HOMER1: variants seen among roughly 807,000 people sequenced by gnomAD.
The protein encoded by HOMER1 is homer scaffold protein 1.
HOMER1 carries 3 observed loss-of-function variants against 48.9 expected under a neutral mutation model. That is an observed-to-expected ratio of 0.06 (90% confidence interval 0.03 to 0.16). HOMER1 has a LOEUF of 0.16. Ranked by LOEUF, HOMER1 falls within the 10% of genes least tolerant of loss-of-function variation. HOMER1 has a pLI of 1.00. For synonymous variants in HOMER1, 134 were observed against 146.4 expected, an observed-to-expected ratio of 0.92 and a Z score of 0.61; for missense variants, 247 against 411.4, an observed-to-expected ratio of 0.60 and a Z score of 3.46.
Position 79,374,286 on chromosome 5 carries a change from C to T in HOMER1, c.*1723G>A, listed in dbSNP as rs912842802. On this transcript the variant is annotated 3_prime_UTR_variant, in exon 9 of 9. Coordinates refer to ENST00000334082, the MANE Select transcript of HOMER1 (RefSeq NM_004272.5). ...AATATCCTAAAATAGATGGAGGTAA[C>T]GTACATGATGTTACAGCACATATAA... The T allele has an allele frequency of 6.6e-6, 1 of 152,258 alleles. No homozygotes were observed. Among genetic ancestry groups the T allele is most frequent in the Non-Finnish European group, 1.5e-5 (1 of 67,818 alleles). 9.4% of individuals were successfully genotyped at this position (152,258 alleles called of 1,614,324 possible).
intron 5 of HOMER1, among the ~76,000 whole-genome samples, chr5:79,425,647 C>T (rs912741569): frequency 6.6e-6 from 1 of 151,952 alleles, no homozygotes; most frequent in Non-Finnish European, 1.5e-5. Flanking sequence ...AACAGTTTAT[C>T]TGTTTTAAAA....
intron 8 of HOMER1, among the ~76,000 whole-genome samples, chr5:79,392,432 G>C (rs1328603578): frequency 6.6e-6 from 1 of 152,074 alleles, no homozygotes; most frequent in East Asian, 1.9e-4. Context: ...TTTAAAAGAA[G>C]TTTAAAAAGT....
At chr5:79,378,222 C>CAAAAAAAAAAAAAAA (rs58802660) in intron 8 of HOMER1, among the ~76,000 whole-genome samples, 2 of 85,578 alleles carry the variant, frequency 2.3e-5, no homozygotes, top group African/African-American at 7.7e-5. Context: ...GACTCTGTCT[C>CAAAAAAAAAAAAAAA]AAAAAAAAAA....
At chr5:79,409,342 A>G (rs79335513) in intron 5 of HOMER1, among the ~76,000 whole-genome samples, 1 of 151,610 alleles carries the variant, frequency 6.6e-6, no homozygotes, top group Non-Finnish European at 1.5e-5. Context: ...TAAGACAGGA[A>G]AACCACTTGA....
Position 79,373,948 on chromosome 5 carries a change from T to A in HOMER1, c.*2061A>T, listed in dbSNP as rs903941820. Reference sequence around the variant, plus strand: ...GAGACATTTTGGTGAGTTTTTTCATTAAATGATCACTATGTCAAAATTTAA... The same window carrying A: ...GAGACATTTTGGTGAGTTTTTTCATAAAATGATCACTATGTCAAAATTTAA... On this transcript the variant is annotated 3_prime_UTR_variant, in exon 9 of 9. Transcript: ENST00000334082. The A allele has an allele frequency of 6.6e-6, 1 of 151,968 alleles. No homozygotes were observed. The highest frequency in any genetic ancestry group is 1.5e-5 in the Non-Finnish European group (1 of 67,850). 9.4% of individuals were successfully genotyped at this position (151,968 alleles called of 1,614,324 possible).
At chr5:79,428,310 A>C (rs991370250) in intron 5 of HOMER1, among the ~76,000 whole-genome samples, 2 of 152,218 alleles carry the variant, frequency 1.3e-5, no homozygotes, top group African/African-American at 4.8e-5. Context: ...GATAAAGAGC[A>C]TCTATGAAAA....
At chr5:79,419,314 T>C (rs1028581243) in intron 5 of HOMER1, among the ~76,000 whole-genome samples, 4 of 152,218 alleles carry the variant, frequency 2.6e-5, no homozygotes, top group Non-Finnish European at 5.9e-5. Context: ...TTTCTATGGA[T>C]GAATGCAGAT....
chr5:79,485,937 C>G (rs2112349635), intron 1 of HOMER1, among the ~76,000 whole-genome samples: 1 of 152,260 alleles, frequency 6.6e-6, no homozygotes, highest in East Asian at 1.9e-4. Flanking sequence ...TTGTGACTGC[C>G]TGAACCAAAA....
chr5:79,429,608 A>G (rs983518321), intron 5 of HOMER1, among the ~76,000 whole-genome samples: 1 of 152,236 alleles, frequency 6.6e-6, no homozygotes, highest in Non-Finnish European at 1.5e-5. Flanking sequence ...CTAAGAGCCA[A>G]AACTATAAAA....
intron 5 of HOMER1, among the ~76,000 whole-genome samples, chr5:79,428,592 T>C (rs1294139004): frequency 2.6e-5 from 4 of 152,150 alleles, no homozygotes; most frequent in Admixed American, 2.6e-4. Context: ...TTCAGTAAGT[T>C]TGTAGGATAC....
At chr5:79,475,367 C>A (rs375752269) in intron 1 of HOMER1, among the ~76,000 whole-genome samples, 1 of 150,500 alleles carries the variant, frequency 6.6e-6, no homozygotes, top group African/African-American at 2.4e-5. Flanking sequence ...TCGCTGTCAC[C>A]AAACTCATGC....
chr5:79,385,119 A>G (rs1749075996), intron 8 of HOMER1, among the ~76,000 whole-genome samples: 2 of 152,160 alleles, frequency 1.3e-5, no homozygotes, highest in Admixed American at 1.3e-4. Context: ...AAGATGGATT[A>G]AAGACTTAAA....
At chr5:79,453,494 T>G (rs1296184276) in intron 2 of HOMER1, among the ~76,000 whole-genome samples, 2 of 152,214 alleles carry the variant, frequency 1.3e-5, no homozygotes, top group Non-Finnish European at 2.9e-5. Flanking sequence ...GAAGAAAACC[T>G]TAAAATGATA....
chr5:79,494,291 C>T (rs1752365216), intron 1 of HOMER1, among the ~76,000 whole-genome samples: 1 of 152,184 alleles, frequency 6.6e-6, no homozygotes, highest in Admixed American at 6.5e-5. Flanking sequence ...CCAATAATAT[C>T]CAACTATAAA....
chr5:79,403,372 T>C (rs1749581691), intron 5 of HOMER1, among the ~76,000 whole-genome samples: 1 of 152,190 alleles, frequency 6.6e-6, no homozygotes, highest in Admixed American at 6.5e-5. Context: ...ATAGTTTTCA[T>C]CACCAAGATT....
At chr5:79,381,447 C>T (rs978209604) in intron 8 of HOMER1, among the ~76,000 whole-genome samples, 1 of 152,058 alleles carries the variant, frequency 6.6e-6, no homozygotes, top group African/African-American at 2.4e-5. Flanking sequence ...AACATGAGAA[C>T]GCAATGAAAT....
chr5:79,508,841 A>C (rs1752851454), intron 1 of HOMER1, among the ~76,000 whole-genome samples: 1 of 152,200 alleles, frequency 6.6e-6, no homozygotes, highest in Admixed American at 6.5e-5. Context: ...CCAACTTCCA[A>C]AGTATAAACT....
intron 1 of HOMER1, among the ~76,000 whole-genome samples, chr5:79,478,345 G>T (rs775125045): frequency 2.1e-4 from 32 of 152,174 alleles, no homozygotes; most frequent in Non-Finnish European, 3.8e-4. Flanking sequence ...ATTGGCCAAT[G>T]AAAATTTTGC....
rs1749422151 is a variant in HOMER1, at chr5:79,397,619, C to T, written c.703G>A (p.Val235Ile). ...LHKRVTELEC[V>I]SSQANAVHTH... ...TGTACTGCATTTGCTTGGCTACTAACACATTCAAGTTCAGTCACCTAAAAT... is the reference window on the plus strand; with the variant it reads ...TGTACTGCATTTGCTTGGCTACTAATACATTCAAGTTCAGTCACCTAAAAT... The change falls in exon 7 of 9, where the codon GTT (valine) becomes ATT (isoleucine). Residue 235 changes from valine (V) to isoleucine (I), a missense_variant. Coordinates refer to ENST00000334082, the MANE Select transcript of HOMER1 (RefSeq NM_004272.5). 1 of 1,603,314 alleles carries T rather than the reference C, an allele frequency of 6.2e-7. No homozygotes were observed. The highest frequency in any genetic ancestry group is 1.7e-5 in the Admixed American group (1 of 58,352).
Sources: allele counts gnomAD v4.1 joint callset (sites outside exome capture counted in the v4.1 genomes callset), GRCh38; gene constraint gnomAD v4.1.1; transcripts MANE v1.5; gene names NCBI Gene and HGNC (gene_info 2026-07-23, HGNC 2026-07-21).